GRM8: variants seen among roughly 807,000 people sequenced by gnomAD.
GRM8 encodes the protein metabotropic glutamate receptor 8.
A neutral mutation model predicts 87.2 loss-of-function variants in GRM8; 47 were observed. The ratio of observed to expected loss-of-function variants is 0.54; its 90% CI spans 0.43 to 0.69. The LOEUF is 0.69. GRM8 is among the 30% of genes least tolerant of loss of function. GRM8 has a pLI of 0.00. For synonymous variants in GRM8, 396 were observed against 404.5 expected, an observed-to-expected ratio of 0.98 and a Z score of 0.25; for missense variants, 1,019 against 1,139.2, an observed-to-expected ratio of 0.89 and a Z score of 1.52.
chr7:126,736,426 G>A (rs1814234935), intron 7 of GRM8, among the ~76,000 whole-genome samples: 1 of 151,946 alleles, frequency 6.6e-6, no homozygotes, highest in African/African-American at 2.4e-5. Context: ...CATTTGTCAT[G>A]CTTGATATAC....
In GRM8 at chr7:126,782,712, G is replaced by A. The variant is rs1005039615; in HGVS notation, c.1157-12647C>T. On this transcript the variant is annotated intron_variant, in intron 6 of 10. Transcript: ENST00000339582. ...TGTAAATAAAGGCCCATAAGTGCCT[G>A]AAGTTTATGATGCATATCCTTTAAG... Among the ~76,000 whole-genome samples the A allele has an allele frequency of 6.6e-5, 10 of 152,184 alleles. No homozygotes were observed. The East Asian group carries it at 1.9e-3, about 29-fold the overall frequency.
At chr7:126,922,658 T>A (rs970206601) in intron 3 of GRM8, among the ~76,000 whole-genome samples, 10 of 151,964 alleles carry the variant, frequency 6.6e-5, no homozygotes, top group Non-Finnish European at 1.3e-4. Flanking sequence ...GATGATATGG[T>A]TTGGATGTGT....
At chr7:126,611,436 G>C (rs1798902433) in intron 7 of GRM8, among the ~76,000 whole-genome samples, 1 of 152,174 alleles carries the variant, frequency 6.6e-6, no homozygotes, top group South Asian at 2.1e-4. Flanking sequence ...CCAACACATA[G>C]TAATAGAAAG....
At chr7:127,227,142 G>A (rs17869627) in intron 2 of GRM8, among the ~76,000 whole-genome samples, 2,011 of 152,294 alleles carry the variant, frequency 0.013, 42 homozygotes, top group African/African-American at 0.045. Context: ...GGAAGGAGGC[G>A]GACTCTGTAG....
At chr7:126,612,660 A>G (rs1273844381) in intron 7 of GRM8, among the ~76,000 whole-genome samples, 1 of 152,192 alleles carries the variant, frequency 6.6e-6, no homozygotes, top group African/African-American at 2.4e-5. Flanking sequence ...ACCCTCTGCA[A>G]TCTTCACAAA....
chr7:126,490,897 TTAAG>T (rs1426485141), intron 9 of GRM8, among the ~76,000 whole-genome samples: 2 of 152,006 alleles, frequency 1.3e-5, no homozygotes, highest in South Asian at 2.1e-4. Context: ...TTTAAAGAGG[TTAAG>T]TAATATGTCC....
At chr7:127,198,415 G>C (rs1180451908) in intron 2 of GRM8, among the ~76,000 whole-genome samples, 1 of 152,136 alleles carries the variant, frequency 6.6e-6, no homozygotes, top group Non-Finnish European at 1.5e-5. Context: ...TCACCTGAGC[G>C]AGTTTCCTAT....
chr7:126,822,993 C>CTA (rs1208630173), intron 6 of GRM8, among the ~76,000 whole-genome samples: 3 of 152,206 alleles, frequency 2.0e-5, no homozygotes, highest in African/African-American at 7.2e-5. Flanking sequence ...CCCCAACCAA[C>CTA]TCTACTATGA....
chr7:126,579,203 C>T (rs1039522053), intron 8 of GRM8, among the ~76,000 whole-genome samples: 4 of 152,174 alleles, frequency 2.6e-5, no homozygotes, highest in African/African-American at 9.7e-5. Context: ...ATTTACACTT[C>T]AAAATATGTC....
At chr7:126,723,079 G>C (rs1156965452) in intron 7 of GRM8, among the ~76,000 whole-genome samples, 1 of 147,470 alleles carries the variant, frequency 6.8e-6, no homozygotes, top group Non-Finnish European at 1.5e-5. Context: ...TCTTTGGAGG[G>C]TGCTTTTCCC....
chr7:126,681,453 G>T (rs867136680), intron 7 of GRM8, among the ~76,000 whole-genome samples: 4 of 152,152 alleles, frequency 2.6e-5, no homozygotes, highest in South Asian at 4.1e-4. Flanking sequence ...AAAGCTACTG[G>T]CCACCTCCTG....
intron 2 of GRM8, among the ~76,000 whole-genome samples, chr7:127,150,918 T>C (rs930611720): frequency 5.9e-5 from 9 of 152,110 alleles, no homozygotes; most frequent in African/African-American, 2.2e-4. Flanking sequence ...AAGATTGCTA[T>C]CATGGTGAGT....
intron 6 of GRM8, among the ~76,000 whole-genome samples, chr7:126,775,636 C>CT (rs150402429): frequency 0.013 from 1,931 of 152,002 alleles, 48 homozygotes; most frequent in African/African-American, 0.044. Context: ...GTGCACCTCC[C>CT]ATACTGAAGA....
intron 7 of GRM8, among the ~76,000 whole-genome samples, chr7:126,611,488 T>C (rs1292303596): frequency 2.0e-5 from 3 of 152,240 alleles, no homozygotes; most frequent in South Asian, 2.1e-4. Flanking sequence ...CAAAAGATTA[T>C]TGAAATTCAA....
chr7:126,582,629 A>G (rs1032710097), intron 8 of GRM8, among the ~76,000 whole-genome samples: 2 of 152,220 alleles, frequency 1.3e-5, no homozygotes, highest in African/African-American at 4.8e-5. Flanking sequence ...CCTGGCTTCA[A>G]GCTTCAAAGG....
chr7:126,920,993 G>C (rs1485593179), intron 3 of GRM8, among the ~76,000 whole-genome samples: 1 of 152,062 alleles, frequency 6.6e-6, no homozygotes, highest in Non-Finnish European at 1.5e-5. Context: ...CAATGAATTT[G>C]TCCTCACCTC....
In GRM8 at chr7:126,609,468, T is replaced by C. The variant is rs1450917236; in HGVS notation, c.1388A>G (p.Glu463Gly). The change falls in exon 8 of 11, where the codon GAA becomes GGA. Residue 463 changes from glutamate to glycine, a missense_variant. By Grantham distance (98) the Glu-to-Gly change is moderately conservative (BLOSUM62 -2). Transcript: ENST00000339582. ...GSAGTPVTFN[E>G]NGDAPGRYDI... Reference sequence around the variant, plus strand: ...ATAACGTCCAGGAGCATCTCCGTTTTCATTAAAAGTGACAGGAGTGCCAGC... The same window carrying C: ...ATAACGTCCAGGAGCATCTCCGTTTCCATTAAAAGTGACAGGAGTGCCAGC... 6.2e-7 allele frequency: 1 copy of C among 1,612,758 alleles called. No homozygotes were observed. Among genetic ancestry groups the C allele is most frequent in the Admixed American group, 1.7e-5 (1 of 60,004 alleles).
intron 3 of GRM8, among the ~76,000 whole-genome samples, chr7:127,030,303 ACCCCTCCC>A (rs765417688): frequency 2.5e-5 from 2 of 81,456 alleles, no homozygotes; most frequent in African/African-American, 1.4e-4. Flanking sequence ...CAGAAGGTTC[ACCCCTCCC>A]AGTCTTCTTA....
chr7:126,885,090 T>C (rs1285043011), intron 6 of GRM8, among the ~76,000 whole-genome samples: 1 of 152,194 alleles, frequency 6.6e-6, no homozygotes, highest in Non-Finnish European at 1.5e-5. Context: ...CAGCTGGCCT[T>C]GCTGAGAGTG....
Sources: gnomAD v4.1 joint callset for allele counts (sites outside exome capture counted in the v4.1 genomes callset) on GRCh38, gnomAD v4.1.1 for gene constraint, MANE v1.5 for transcripts, NCBI Gene and HGNC (gene_info 2026-07-23, HGNC 2026-07-21) for gene names.